MSH4: variants seen among roughly 807,000 people sequenced by gnomAD.
MSH4 encodes the protein mutS protein homolog 4.
MSH4 carries 106 observed loss-of-function variants against 113.7 expected under a neutral mutation model. The observed-to-expected ratio is 0.93, with a 90% CI of 0.80 to 1.10. The LOEUF is 1.10. Ranked by LOEUF, MSH4 falls within the 50% of genes least tolerant of loss-of-function variation. The pLI is 0.00. For synonymous variants in MSH4, 368 were observed against 380.2 expected (o/e 0.97, Z 0.37); for missense variants, 1,061 against 1,093.7 (o/e 0.97, Z 0.42).
intron 7 of MSH4, among the ~76,000 whole-genome samples, chr1:75,844,863 C>A (rs1230428509): frequency 6.6e-6 from 1 of 152,152 alleles, no homozygotes; most frequent in Non-Finnish European, 1.5e-5. Flanking sequence ...TGATTTATTT[C>A]TTACAGTTCT....
chr1:75,906,771 C>T (rs1244844785), intron 19 of MSH4, among the ~76,000 whole-genome samples: 1 of 148,196 alleles, frequency 6.7e-6, no homozygotes, highest in African/African-American at 2.5e-5. Context: ...CAATTTACAC[C>T]TTCTTATATT....
intron 19 of MSH4, 41 bp downstream of exon 19, chr1:75,899,747 A>C: frequency 8.5e-7 from 1 of 1,179,326 alleles, no homozygotes; most frequent in Non-Finnish European, 1.2e-6. Flanking sequence ...AATTAAAAAA[A>C]ATACTTTTAG....
intron 6 of MSH4, among the ~76,000 whole-genome samples, chr1:75,821,488 TA>T (rs1650407162): frequency 6.6e-6 from 1 of 151,696 alleles, no homozygotes; most frequent in African/African-American, 2.4e-5. Flanking sequence ...ACATCACAAT[TA>T]AAAGAACTAG....
At chr1:75,852,152 T>G (rs1651202693) in intron 8 of MSH4, among the ~76,000 whole-genome samples, 1 of 152,232 alleles carries the variant, frequency 6.6e-6, no homozygotes. Flanking sequence ...GGTAGTCTTT[T>G]GTGACTGGAT....
At position 75,890,678 on chromosome 1, in the gene MSH4, TA is replaced by T. The variant is rs1408631788; in HGVS notation, c.2227-14del. On this transcript the variant is annotated splice_polypyrimidine_tract_variant and intron_variant, in intron 16 of 19. Coordinates refer to ENST00000263187, the MANE Select transcript of MSH4 (RefSeq NM_002440.4). ...CTGTTTGGTTACAATGAATAAATAT[TA>T]AAATTATATATTTCAGATAGCATAT... is the stretch of plus-strand genomic sequence containing the variant. The T allele has an allele frequency of 7.5e-7, 1 of 1,340,572 alleles. No homozygotes were observed. Among genetic ancestry groups the T allele is most frequent in the Non-Finnish European group, 1.0e-6 (1 of 979,986 alleles). The allele number at this position is 1,340,572 out of a possible 1,614,324, so 83.0% of individuals were successfully genotyped here.
rs747469403 is a variant in MSH4 at position 75,797,273 on chromosome 1, C to T, written c.244+44C>T. 8.9e-6 allele frequency: 14 copies of T among 1,568,964 alleles called. No individual in the cohort carries two copies. The Admixed American group carries it at 9.1e-5, about 10-fold the overall frequency. On this transcript the variant is annotated intron_variant, in intron 1 of 19. Coordinates refer to ENST00000263187, the MANE Select transcript of MSH4 (RefSeq NM_002440.4). ...GAGGAGTCTCCTTGAGGCTAGAGGC[C>T]GGCAGTTCATGGAGGCTCGGGGGCA...
chr1:75,877,128 C>G, intron 10 of MSH4, 128 bp downstream of exon 10: 1 of 470,982 alleles, frequency 2.1e-6, no homozygotes, highest in South Asian at 6.3e-5. Context: ...AATCTTTAAC[C>G]TATTCATCAA....
intron 11 of MSH4, 52 bp downstream of exon 11, chr1:75,878,370 G>A: frequency 7.1e-7 from 1 of 1,411,918 alleles, no homozygotes; most frequent in South Asian, 1.4e-5. Flanking sequence ...AGCCTTTTCA[G>A]GACATGCTGT....
chr1:75,799,021 G>A lies in MSH4; in HGVS notation c.244+1792G>A, dbSNP rs114232776. Among the ~76,000 whole-genome samples the A allele has an allele frequency of 3.8e-3, 584 of 152,252 alleles. 5 individuals are homozygous for A. The highest frequency in any genetic ancestry group is 0.013 in the African/African-American group (555 of 41,550). On this transcript the variant is annotated intron_variant, in intron 1 of 19. Coordinates refer to ENST00000263187, the MANE Select transcript of MSH4 (RefSeq NM_002440.4). ...AAGGATAGCCAAAGCAATTGGGATC[G>A]GTTTCTAATCTTTACAGATTTATCC...
Position 75,899,653 on chromosome 1 carries a change from T to C in MSH4, c.2566T>C (p.Ser856Pro). 6.6e-7 allele frequency: 1 copy of C among 1,514,494 alleles called. No individual in the cohort carries two copies. The highest frequency in any genetic ancestry group is 8.8e-7 in the Non-Finnish European group (1 of 1,138,950). 93.8% of individuals were successfully genotyped at this position (1,514,494 alleles called of 1,614,324 possible). ...KAAEVSSLPP[S>P]IVLDAKEITT... is the part of the protein sequence containing the mutation. ...TGCAGAGGTGTCATCACTTCCACCATCAATTGTCTTGGATGCCAAGGAAAT... is the reference window on the plus strand; with the variant it reads ...TGCAGAGGTGTCATCACTTCCACCACCAATTGTCTTGGATGCCAAGGAAAT... The change falls in exon 19 of 20, where the codon TCA becomes CCA. Residue 856 changes from serine (S) to proline (P), a missense_variant. Physicochemically the swap from Ser to Pro is moderately conservative, Grantham distance 74. Transcript: ENST00000263187.
chr1:75,896,360 C>CAG (rs1652383069), intron 17 of MSH4, among the ~76,000 whole-genome samples: 1 of 48,890 alleles, frequency 2.0e-5, no homozygotes, highest in Non-Finnish European at 4.1e-5. Flanking sequence ...CACACACACA[C>CAG]ACACACACAC....
rs116134621 is a variant in MSH4, at chr1:75,855,506, A to G, written c.1230+7230A>G. ...GGGGAATCCTTTCTTGCCTCTTCCT[A>G]GCTTTTGGTGATTTGTTTACAATTA... On this transcript the variant is annotated intron_variant, in intron 8 of 19. Coordinates refer to ENST00000263187, the MANE Select transcript of MSH4 (RefSeq NM_002440.4). 1.6e-3 allele frequency among the ~76,000 whole-genome samples: 241 copies of G among 152,252 alleles called. 2 individuals carry two copies. The highest frequency in any genetic ancestry group is 5.6e-3 in the African/African-American group (234 of 41,550).
intron 2 of MSH4, among the ~76,000 whole-genome samples, chr1:75,804,916 C>G (rs531577001): frequency 8.6e-5 from 13 of 151,944 alleles, no homozygotes; most frequent in Admixed American, 8.5e-4. Context: ...TAACCTCTGC[C>G]TCCTGGATTC....
At chr1:75,901,018 G>A (rs1652494377) in intron 19 of MSH4, among the ~76,000 whole-genome samples, 1 of 151,902 alleles carries the variant, frequency 6.6e-6, no homozygotes, top group African/African-American at 2.4e-5. Context: ...GGATAATTGT[G>A]ATTTTTTTCT....
intron 19 of MSH4, among the ~76,000 whole-genome samples, chr1:75,911,296 T>C (rs34898565): frequency 0.067 from 10,175 of 152,232 alleles, 488 homozygotes; most frequent in African/African-American, 0.13. Flanking sequence ...AAATTACTTG[T>C]CATTACTACA....
intron 9 of MSH4, among the ~76,000 whole-genome samples, chr1:75,873,619 G>A (rs1307114101): frequency 2.0e-5 from 3 of 151,846 alleles, no homozygotes; most frequent in African/African-American, 4.8e-5. Context: ...GTGTCCATGA[G>A]TTCTCATCGT....
At chr1:75,832,580 A>G (rs1420681432) in intron 7 of MSH4, among the ~76,000 whole-genome samples, 2 of 152,198 alleles carry the variant, frequency 1.3e-5, no homozygotes, top group African/African-American at 4.8e-5. Flanking sequence ...CAAAAAGCTT[A>G]TCCACCACGA....
At chr1:75,874,994 G>A (rs909684677) in intron 9 of MSH4, among the ~76,000 whole-genome samples, 2 of 152,120 alleles carry the variant, frequency 1.3e-5, no homozygotes, top group African/African-American at 4.8e-5. Flanking sequence ...CCAGGCTCAA[G>A]CCATCCTCCC....
At chr1:75,900,751 T>C (rs1202676222) in intron 19 of MSH4, among the ~76,000 whole-genome samples, 1 of 152,190 alleles carries the variant, frequency 6.6e-6, no homozygotes, top group Non-Finnish European at 1.5e-5. Flanking sequence ...TAAGTTCCTC[T>C]ACTGTCTCTG....
Sources: gnomAD v4.1 joint callset for allele counts (sites outside exome capture counted in the v4.1 genomes callset) on GRCh38, gnomAD v4.1.1 for gene constraint, MANE v1.5 for transcripts, NCBI Gene and HGNC (gene_info 2026-07-23, HGNC 2026-07-21) for gene names.